Variants in PGBD2 observed in about 807,000 individuals in gnomAD.
PGBD2 encodes piggyBac transposable element-derived protein 2.
Under a neutral mutation model 8.1 loss-of-function variants are expected in PGBD2, and 6 were observed. The observed-to-expected ratio is 0.74, with a 90% CI of 0.40 to 1.46. The LOEUF (loss-of-function observed/expected upper bound fraction) is 1.46, where lower values mean the gene tolerates loss of function less well. Among genes scored for constraint, PGBD2 ranks in the 40% most tolerant of loss-of-function variants. The pLI, the probability that PGBD2 is intolerant of heterozygous loss-of-function variation, is 0.02. For missense variants in PGBD2, 802 were observed against 739.0 expected (o/e 1.09, Z -0.99); for synonymous variants, 318 against 272.2 (o/e 1.17, Z -1.66).
At chr1:248,906,756 C>G (rs1041127125) in intron 1 of PGBD2, among the ~76,000 whole-genome samples, 6 of 151,956 alleles carry the variant, frequency 3.9e-5, no homozygotes, top group Non-Finnish European at 8.8e-5. Context: ...TGGCTCTGTG[C>G]CGGGGCGCGC....
the PGBD2 span, among the ~76,000 whole-genome samples, chr1:248,892,095 A>G: frequency 6.6e-6 from 1 of 152,254 alleles, no homozygotes; most frequent in African/African-American, 2.4e-5. Context: ...ATTCCAAAGA[A>G]TGGAAGTCAG....
chr1:248,917,232 T>C lies in PGBD2; in HGVS notation c.648T>C (p.Ile216=). 6.2e-7 allele frequency: 1 copy of C among 1,614,150 alleles called. No individual in the cohort carries two copies. ...DSHHHLVADA[I]RRDRFELIFS... ...ATCATCATCTTGTGGCTGATGCAAT[T>C]AGAAGGGACAGATTTGAACTAATCT... is the stretch of plus-strand genomic sequence containing the variant. The change falls in exon 3 of 3, where the codon ATT becomes ATC. Residue 216 remains isoleucine (I), a synonymous_variant. Transcript: ENST00000329291.
At chr1:248,877,464 T>C in the PGBD2 span, among the ~76,000 whole-genome samples, 3 of 152,162 alleles carry the variant, frequency 2.0e-5, no homozygotes, top group Non-Finnish European at 4.4e-5. Context: ...TTATTTAATA[T>C]GTATACACAG....
At chr1:248,914,630 G>A (rs1259204216) in intron 2 of PGBD2, 3 of 1,280,420 alleles carry the variant, frequency 2.3e-6, no homozygotes, top group Non-Finnish European at 3.1e-6. Context: ...TCACGTAGAG[G>A]TTGGGGCCTG....
chr1:248,873,835 G>A, the PGBD2 span, among the ~76,000 whole-genome samples: 1 of 152,250 alleles, frequency 6.6e-6, no homozygotes, highest in Non-Finnish European at 1.5e-5. Flanking sequence ...GGCTAAGTGA[G>A]AAGCGCTCTG....
At chr1:248,877,362 C>T in the PGBD2 span, among the ~76,000 whole-genome samples, 1 of 152,178 alleles carries the variant, frequency 6.6e-6, no homozygotes, top group South Asian at 2.1e-4. Context: ...GCCAAGCTTG[C>T]CGTGGCTCAC....
chr1:248,919,248 C>T (rs1471298370), downstream of PGBD2: 1 of 167,000 alleles, frequency 6.0e-6, no homozygotes, highest in Admixed American at 6.5e-5. Context: ...ACTACCCTTT[C>T]CAAGCTCTGG....
chr1:248,914,581 G>C (rs1662023148), intron 2 of PGBD2: 2 of 1,289,194 alleles, frequency 1.6e-6, no homozygotes, highest in African/African-American at 1.5e-5. Flanking sequence ...TGCAGCTTCT[G>C]TGGTAAATCC....
chr1:248,875,684 G>T, the PGBD2 span, among the ~76,000 whole-genome samples: 1 of 152,036 alleles, frequency 6.6e-6, no homozygotes, highest in South Asian at 2.1e-4. Context: ...TTCTCTCTGG[G>T]TATCTTTTTC....
At position 248,917,715 on chromosome 1, in the gene PGBD2, C is replaced by T. The variant is rs773689389; in HGVS notation, c.1131C>T (p.Tyr377=). 5.0e-6 allele frequency: 8 copies of T among 1,614,156 alleles called. No homozygotes were observed. The South Asian group carries it at 6.6e-5, about 13-fold the overall frequency. ...AAGCCACAGGAACTGTTCGTGAGTA[C>T]AGGACTGAGCGATGTCCCCTAAAAG... The part of the protein sequence containing the change: ...GVKATGTVRE[Y]RTERCPLKDP... The change falls in exon 3 of 3, where the codon TAC becomes TAT. Residue 377 remains tyrosine (Y), a synonymous_variant. Coordinates refer to ENST00000329291, the MANE Select transcript of PGBD2 (RefSeq NM_170725.3).
chr1:248,927,448 G>A, the PGBD2 span, among the ~76,000 whole-genome samples: 1 of 152,164 alleles, frequency 6.6e-6, no homozygotes, highest in South Asian at 2.1e-4. Flanking sequence ...TCTAAACAGA[G>A]ATCTTTTAAA....
chr1:248,900,742 G>T, the PGBD2 span, among the ~76,000 whole-genome samples: 1 of 152,034 alleles, frequency 6.6e-6, no homozygotes, highest in Non-Finnish European at 1.5e-5. Context: ...TTTTGGCCAG[G>T]GCAGTCAGAC....
At chr1:248,926,434 A>G in the PGBD2 span, among the ~76,000 whole-genome samples, 1 of 152,140 alleles carries the variant, frequency 6.6e-6, no homozygotes, top group South Asian at 2.1e-4. Flanking sequence ...CTGCTAAGTC[A>G]TGGACAAAAT....
At chr1:248,891,675 T>A in the PGBD2 span, among the ~76,000 whole-genome samples, 1 of 152,012 alleles carries the variant, frequency 6.6e-6, no homozygotes, top group East Asian at 1.9e-4. Context: ...ACTAAAAATT[T>A]AAAAATCAGC....
the PGBD2 span, among the ~76,000 whole-genome samples, chr1:248,881,329 G>C: frequency 6.6e-6 from 1 of 152,164 alleles, no homozygotes; most frequent in Admixed American, 6.5e-5. Flanking sequence ...TTTCTTTCCA[G>C]TTTGGGGGAT....
At chr1:248,907,341 T>G (rs1403509048) in intron 1 of PGBD2, among the ~76,000 whole-genome samples, 6 of 152,246 alleles carry the variant, frequency 3.9e-5, no homozygotes, top group Admixed American at 3.9e-4. Context: ...GTTTTTCTCC[T>G]ATCTCAGAAT....
At chr1:248,873,775 C>CT in the PGBD2 span, among the ~76,000 whole-genome samples, 6 of 152,176 alleles carry the variant, frequency 3.9e-5, no homozygotes, top group African/African-American at 1.4e-4. Flanking sequence ...TTCCCACGGC[C>CT]GCAACTCGGG....
the PGBD2 span, among the ~76,000 whole-genome samples, chr1:248,898,053 G>C: frequency 6.6e-6 from 1 of 152,194 alleles, no homozygotes; most frequent in Non-Finnish European, 1.5e-5. Context: ...AGCAACTCCA[G>C]CCAGGGTTTA....
chr1:248,908,714 C>G (rs1017649035), intron 1 of PGBD2, among the ~76,000 whole-genome samples: 3 of 149,340 alleles, frequency 2.0e-5, no homozygotes, highest in African/African-American at 7.4e-5. Flanking sequence ...TCCCATAGCT[C>G]TTATAAAGAC....
Sources: allele counts gnomAD v4.1 joint callset (sites outside exome capture counted in the v4.1 genomes callset), GRCh38; gene constraint gnomAD v4.1.1; transcripts MANE v1.5; gene names NCBI Gene and HGNC (gene_info 2026-07-23, HGNC 2026-07-21).